CDC42BPA: variants seen among roughly 807,000 people sequenced by gnomAD.
CDC42BPA encodes the protein serine/threonine-protein kinase MRCK alpha.
CDC42BPA carries 80 observed loss-of-function variants against 223.5 expected under a neutral mutation model. That is an observed-to-expected ratio of 0.36 (90% CI 0.30 to 0.43). The LOEUF (loss-of-function observed/expected upper bound fraction) is 0.43. CDC42BPA is among the 20% of genes least tolerant of loss of function. The pLI is 1.00. For synonymous variants in CDC42BPA, 694 were observed against 718.6 expected (o/e 0.97, Z 0.55); for missense variants, 1,743 against 2,099.9 (o/e 0.83, Z 3.32).
At chr1:227,223,878 C>T (rs953275482) in intron 2 of CDC42BPA, among the ~76,000 whole-genome samples, 14 of 152,244 alleles carry the variant, frequency 9.2e-5, no homozygotes, top group African/African-American at 2.4e-4. Context: ...GGCAAACAAC[C>T]GACACTCTAC....
In CDC42BPA at chr1:227,113,343, A is replaced by T. The variant is rs187012286; in HGVS notation, c.1648-430T>A. Among the ~76,000 whole-genome samples, 923 of 152,334 alleles carry T rather than the reference A, an allele frequency of 6.1e-3. 5 individuals are homozygous for T. The highest frequency in any genetic ancestry group is 9.9e-3 in the Non-Finnish European group (675 of 68,032). On this transcript the variant is annotated intron_variant, in intron 12 of 36. Coordinates refer to ENST00000366766, the MANE Select transcript of CDC42BPA (RefSeq NM_001394014.1). ...GGAGACTCCCTAATTAAAATGAGAA[A>T]CTTAGAGGAGAGCTAAAGTGGACTC...
intron 17 of CDC42BPA, among the ~76,000 whole-genome samples, chr1:227,077,290 C>T (rs1223174450): frequency 1.3e-5 from 2 of 152,042 alleles, no homozygotes; most frequent in South Asian, 2.1e-4. Context: ...CTCACAGGAC[C>T]GGTGTAATAA....
At chr1:227,303,192 A>C (rs1691966725) in intron 1 of CDC42BPA, among the ~76,000 whole-genome samples, 1 of 150,976 alleles carries the variant, frequency 6.6e-6, no homozygotes, top group Admixed American at 6.6e-5. Flanking sequence ...CTTGGGTGAA[A>C]CCCCCTGATA....
intron 32 of CDC42BPA, 144 bp from the exon 33 acceptor site, chr1:227,017,194 AAAT>A: frequency 1.6e-6 from 1 of 610,800 alleles, no homozygotes; most frequent in East Asian, 3.0e-5. Flanking sequence ...ATAACCCAGT[AAAT>A]AATATTTAAC....
intron 11 of CDC42BPA, among the ~76,000 whole-genome samples, chr1:227,122,435 A>G (rs1571791235): frequency 6.6e-6 from 1 of 152,230 alleles, no homozygotes; most frequent in African/African-American, 2.4e-5. Context: ...GTAACAGATG[A>G]TATCACAGGG....
At chr1:227,008,217 AATT>A (rs1322940968) in intron 34 of CDC42BPA, among the ~76,000 whole-genome samples, 2 of 152,232 alleles carry the variant, frequency 1.3e-5, no homozygotes, top group Non-Finnish European at 2.9e-5. Context: ...TATTGAGATT[AATT>A]CAGTTGGCAA....
In CDC42BPA at chr1:227,092,985, AC is replaced by A. The variant is rs145879202; in HGVS notation, c.2250-995del. Among the ~76,000 whole-genome samples the A allele has an allele frequency of 2.7e-3, 407 of 152,302 alleles. 3 individuals carry two copies. The highest frequency in any genetic ancestry group is 9.5e-3 in the African/African-American group (393 of 41,566). On this transcript the variant is annotated intron_variant, in intron 15 of 36. Transcript: ENST00000366766. ...CTCTCAATTTAAAAAAATCAACATT[AC>A]TAGAACACTTACCATCTGAATTCAC...
chr1:227,192,377 C>T (rs941263783), intron 5 of CDC42BPA, among the ~76,000 whole-genome samples: 3 of 152,172 alleles, frequency 2.0e-5, no homozygotes, highest in South Asian at 2.1e-4. Flanking sequence ...GATGGCAATT[C>T]CCCAGCCCGA....
At chr1:227,034,179 G>A (rs11583340) in intron 26 of CDC42BPA, among the ~76,000 whole-genome samples, 21,849 of 152,160 alleles carry the variant, frequency 0.14, 1,990 homozygotes, top group South Asian at 0.36. Context: ...ATAGTGCCTG[G>A]AGTTAGGAGA....
chr1:227,220,514 G>A (rs973158413), intron 2 of CDC42BPA, among the ~76,000 whole-genome samples: 1 of 151,526 alleles, frequency 6.6e-6, no homozygotes, highest in East Asian at 1.9e-4. Context: ...ACTCTCAACA[G>A]AACTTTACTA....
chr1:227,283,030 CTT>C (rs1261714338), intron 1 of CDC42BPA, among the ~76,000 whole-genome samples: 3 of 152,040 alleles, frequency 2.0e-5, no homozygotes, highest in African/African-American at 7.2e-5. Flanking sequence ...TTTTAAATAA[CTT>C]TTTATAATTC....
At chr1:227,265,136 CTA>C in intron 1 of CDC42BPA, 1 of 750,892 alleles carries the variant, frequency 1.3e-6, no homozygotes, top group Non-Finnish European at 2.5e-6. Context: ...ATGCTGTGTA[CTA>C]AGATTCCAGC....
chr1:227,154,606 T>C (rs1395249515), intron 6 of CDC42BPA, among the ~76,000 whole-genome samples: 3 of 152,042 alleles, frequency 2.0e-5, no homozygotes, highest in African/African-American at 7.2e-5. Flanking sequence ...TAAACAAGTA[T>C]CATTTATAAT....
intron 7 of CDC42BPA, among the ~76,000 whole-genome samples, chr1:227,146,130 A>G (rs551985469): frequency 2.0e-5 from 3 of 152,274 alleles, no homozygotes; most frequent in East Asian, 1.9e-4. Context: ...AAAGGACATA[A>G]TATGTATCTG....
At chr1:227,020,752 C>T (rs1667209995) in intron 32 of CDC42BPA, among the ~76,000 whole-genome samples, 1 of 152,198 alleles carries the variant, frequency 6.6e-6, no homozygotes, top group Non-Finnish European at 1.5e-5. Context: ...TTATTTCTTT[C>T]AAGAACTTTT....
intron 10 of CDC42BPA, among the ~76,000 whole-genome samples, chr1:227,136,582 C>T (rs566910588): frequency 3.3e-5 from 5 of 152,268 alleles, no homozygotes; most frequent in Admixed American, 2.6e-4. Context: ...GAAAGCGACA[C>T]GTACGTGAAT....
chr1:227,034,035 G>A (rs919871720), intron 26 of CDC42BPA, among the ~76,000 whole-genome samples: 5 of 152,176 alleles, frequency 3.3e-5, no homozygotes, highest in African/African-American at 1.2e-4. Context: ...CCAATGTGAA[G>A]TGCCAATTTG....
At chr1:227,207,019 G>C (rs988785500) in intron 3 of CDC42BPA, among the ~76,000 whole-genome samples, 1 of 151,028 alleles carries the variant, frequency 6.6e-6, no homozygotes, top group Non-Finnish European at 1.5e-5. Flanking sequence ...CCATGTTGGT[G>C]TGCTGCACCC....
intron 1 of CDC42BPA, among the ~76,000 whole-genome samples, chr1:227,267,229 T>C (rs574756725): frequency 2.6e-4 from 39 of 152,320 alleles, no homozygotes; most frequent in Non-Finnish European, 4.6e-4. Flanking sequence ...AATTTATGAA[T>C]GAAATCCCTA....
Sources: allele counts gnomAD v4.1 joint callset (sites outside exome capture counted in the v4.1 genomes callset), GRCh38; gene constraint gnomAD v4.1.1; transcripts MANE v1.5; gene names NCBI Gene and HGNC (gene_info 2026-07-23, HGNC 2026-07-21).